RPS6KA2: variants seen among roughly 807,000 people sequenced by gnomAD.
The protein encoded by RPS6KA2 is ribosomal protein S6 kinase alpha-2.
A neutral mutation model predicts 91.8 loss-of-function variants in RPS6KA2; 42 were observed. The ratio of observed to expected loss-of-function variants is 0.46; its 90% CI spans 0.36 to 0.59. The LOEUF is 0.59. RPS6KA2 is among the 20% of genes least tolerant of loss of function. RPS6KA2 has a pLI of 0.00. For synonymous variants in RPS6KA2, 414 were observed against 393.6 expected (o/e 1.05, Z -0.61); for missense variants, 798 against 978.5 (o/e 0.82, Z 2.46).
rs1291360753 is a variant in RPS6KA2, at chr6:166,558,066, A to T, written c.100-19282T>A. On this transcript the variant is annotated intron_variant, in intron 1 of 20. Coordinates refer to ENST00000265678, the MANE Select transcript of RPS6KA2 (RefSeq NM_021135.6). ...TGTATGTATGTGTCTATAGATTTGT[A>T]TGTGTATATATATAGGGGTGTGTAC... Among the ~76,000 whole-genome samples, 4 of 151,820 alleles carry T rather than the reference A, an allele frequency of 2.6e-5. 1 individual carries two copies. Among genetic ancestry groups the T allele is most frequent in the Non-Finnish European group, 5.9e-5 (4 of 67,982 alleles).
At chr6:166,492,181 C>G (rs1329686406) in intron 8 of RPS6KA2, among the ~76,000 whole-genome samples, 1 of 152,176 alleles carries the variant, frequency 6.6e-6, no homozygotes, top group Admixed American at 6.5e-5. Flanking sequence ...AACTCTTCCA[C>G]CAGTTCTGAC....
intron 1 of RPS6KA2, among the ~76,000 whole-genome samples, chr6:166,539,859 A>G (rs1458138508): frequency 6.6e-6 from 1 of 152,220 alleles, no homozygotes; most frequent in Non-Finnish European, 1.5e-5. Context: ...CATTTCTCTG[A>G]GATTTCTGTT....
chr6:166,775,016 C>G (rs1369050212), intron 2 of RPS6KA2, among the ~76,000 whole-genome samples: 5 of 152,048 alleles, frequency 3.3e-5, no homozygotes, highest in African/African-American at 1.2e-4. Context: ...GATAATGTGA[C>G]CTGCCCAGCC....
Position 166,448,949 on chromosome 6 carries a change from T to C in RPS6KA2, c.1207-100A>G, listed in dbSNP as rs139345225. 2 of 1,433,916 alleles carry C rather than the reference T, an allele frequency of 1.4e-6. No homozygotes were observed. Among genetic ancestry groups the C allele is most frequent in the South Asian group, 2.6e-5 (2 of 78,426 alleles). The allele number at this position is 1,433,916 out of a possible 1,614,324, so 88.8% of individuals were successfully genotyped here. ...ATGTGGGGCGAAGAGAGGCACCGAC[T>C]GTGAACTGAGTGTGTGGAGGCCTGG... On this transcript the variant is annotated intron_variant, in intron 13 of 20. Transcript: ENST00000265678. The surrounding 1 kb of genome is among the most constrained non-coding windows in gnomAD (Gnocchi z 4.7).
Position 166,437,728 on chromosome 6 carries a change from G to A in RPS6KA2, c.1333-5238C>T, listed in dbSNP as rs543586684. Among the ~76,000 whole-genome samples, 395 of 152,250 alleles carry A rather than the reference G, an allele frequency of 2.6e-3. 4 individuals carry two copies. The highest frequency in any genetic ancestry group is 8.9e-3 in the African/African-American group (371 of 41,524). Reference sequence around the variant, plus strand: ...ACACCACCATGATCTTCCTGAGCACGGACACATGCAGCCATGTGCCAAACA... The same window carrying A: ...ACACCACCATGATCTTCCTGAGCACAGACACATGCAGCCATGTGCCAAACA... On this transcript the variant is annotated intron_variant, in intron 14 of 20. Transcript: ENST00000265678. The surrounding 1 kb of genome is among the most constrained non-coding windows in gnomAD (Gnocchi z 4.3).
In RPS6KA2 at chr6:166,592,702, C is replaced by T. The variant is rs565553581; in HGVS notation, c.99+34219G>A. 2.7e-3 allele frequency among the ~76,000 whole-genome samples: 399 copies of T among 149,998 alleles called. 2 individuals carry two copies. Among genetic ancestry groups the T allele is most frequent in the Middle Eastern group, 6.8e-3 (2 of 294 alleles). ...AGAACTGTACTACAGCGCTTCACTT[C>T]CAGGAGAGCACTCCTACCTGCCCAC... On this transcript the variant is annotated intron_variant, in intron 1 of 20. Transcript: ENST00000265678.
intron 2 of RPS6KA2, among the ~76,000 whole-genome samples, chr6:166,819,191 G>T (rs1304577209): frequency 1.3e-5 from 2 of 152,032 alleles, no homozygotes; most frequent in Admixed American, 1.3e-4. Flanking sequence ...TATAAGAGGG[G>T]TTTCTGTTCT....
At chr6:166,698,021 A>T (rs1192807625) in intron 2 of RPS6KA2, among the ~76,000 whole-genome samples, 4 of 152,092 alleles carry the variant, frequency 2.6e-5, no homozygotes, top group Admixed American at 2.0e-4. Flanking sequence ...ATCTCTTTAC[A>T]AGGATTTGCT....
intron 2 of RPS6KA2, among the ~76,000 whole-genome samples, chr6:166,822,793 G>A (rs997990296): frequency 6.8e-5 from 10 of 148,034 alleles, no homozygotes; most frequent in Non-Finnish European, 1.3e-4. Flanking sequence ...GTTTTCCAAT[G>A]AATGAATGAA....
rs374650916 is a variant in RPS6KA2, at chr6:166,557,386, C to T, written c.100-18602G>A. ...CCCACAGACTCAATGGTCAGGTGGCCGGGGTCACTCTGAAAATGAACTGTT... is the reference window on the plus strand; with the variant it reads ...CCCACAGACTCAATGGTCAGGTGGCTGGGGTCACTCTGAAAATGAACTGTT... On this transcript the variant is annotated intron_variant, in intron 1 of 20. Coordinates refer to ENST00000265678, the MANE Select transcript of RPS6KA2 (RefSeq NM_021135.6). The surrounding 1 kb of genome is among the most constrained non-coding windows in gnomAD (Gnocchi z 4.8). 1.2e-4 allele frequency among the ~76,000 whole-genome samples: 19 copies of T among 152,194 alleles called. No homozygotes were observed. The highest frequency in any genetic ancestry group is 3.9e-4 in the East Asian group (2 of 5,186).
At chr6:166,778,434 T>C (rs892611556) in intron 2 of RPS6KA2, among the ~76,000 whole-genome samples, 2 of 152,224 alleles carry the variant, frequency 1.3e-5, no homozygotes, top group Non-Finnish European at 2.9e-5. Context: ...TACTAAAGAA[T>C]TCTTTAAACA....
intron 20 of RPS6KA2, among the ~76,000 whole-genome samples, chr6:166,413,422 A>G (rs1778387523): frequency 6.6e-6 from 1 of 152,082 alleles, no homozygotes; most frequent in East Asian, 1.9e-4. Flanking sequence ...GACAGTCTAC[A>G]CTTTTCAGAA....
At chr6:166,470,419 G>A (rs561551414) in intron 10 of RPS6KA2, among the ~76,000 whole-genome samples, 1 of 152,348 alleles carries the variant, frequency 6.6e-6, no homozygotes, top group South Asian at 2.1e-4. Flanking sequence ...GCCCACACCT[G>A]GCCACCCCTG....
chr6:166,681,182 G>C (rs1476061147), intron 2 of RPS6KA2, among the ~76,000 whole-genome samples: 3 of 152,178 alleles, frequency 2.0e-5, no homozygotes, highest in South Asian at 2.1e-4. Flanking sequence ...GAAAATGCAA[G>C]GAAGGATGTA....
intron 14 of RPS6KA2, among the ~76,000 whole-genome samples, chr6:166,439,072 C>T (rs1231526928): frequency 6.6e-6 from 1 of 150,720 alleles, no homozygotes; most frequent in Admixed American, 6.7e-5. Context: ...AGGAAAGCTC[C>T]TGATTCATAT....
intron 3 of RPS6KA2, 90 bp from the exon 4 acceptor site, chr6:166,510,447 C>T: frequency 1.3e-6 from 1 of 756,020 alleles, no homozygotes; most frequent in Admixed American, 3.2e-5. Context: ...TAATTCCCGC[C>T]AACTTTTCAT....
chr6:166,745,455 A>C (rs1790974316), intron 2 of RPS6KA2, among the ~76,000 whole-genome samples: 1 of 151,816 alleles, frequency 6.6e-6, no homozygotes. Flanking sequence ...CCCGGCCCTA[A>C]TCTCCTCTTA....
intron 2 of RPS6KA2, among the ~76,000 whole-genome samples, chr6:166,650,066 C>T (rs955901507): frequency 6.6e-6 from 1 of 151,322 alleles, no homozygotes; most frequent in Non-Finnish European, 1.5e-5. Context: ...ACATTAGGCT[C>T]TCATTCCTTA....
At chr6:166,745,859 G>A (rs192563902) in intron 2 of RPS6KA2, among the ~76,000 whole-genome samples, 12 of 152,264 alleles carry the variant, frequency 7.9e-5, no homozygotes, top group East Asian at 1.9e-4. Flanking sequence ...AGAATCCATC[G>A]TCTCTACAAC....
Sources: gnomAD v4.1 joint callset for allele counts (sites outside exome capture counted in the v4.1 genomes callset) on GRCh38, gnomAD v4.1.1 for gene constraint, Gnocchi (gnomAD v3.1) non-coding constraint, MANE v1.5 for transcripts, NCBI Gene and HGNC (gene_info 2026-07-23, HGNC 2026-07-21) for gene names.